The following CCDC171 variants were observed in gnomAD, a reference collection of about 807,000 sequenced individuals.
The protein encoded by CCDC171 is coiled-coil domain containing 171.
Under a neutral mutation model 168.2 loss-of-function variants are expected in CCDC171, and 177 were observed. The observed-to-expected ratio is 1.05, with a 90% CI of 0.93 to 1.19. The LOEUF (loss-of-function observed/expected upper bound fraction) is 1.19. Ranked by LOEUF, CCDC171 falls within the 50% of genes most tolerant of loss-of-function variation. The probability of loss-of-function intolerance (pLI) is 0.00; values close to 1 mark genes in which losing one functional copy is unlikely to be tolerated. For synonymous variants in CCDC171, 687 were observed against 540.8 expected, an observed-to-expected ratio of 1.27 and a Z score of -3.75; for missense variants, 1,991 against 1,539.0, an observed-to-expected ratio of 1.29 and a Z score of -4.91.
At chr9:15,843,857 G>A (rs73644958) in intron 21 of CCDC171, among the ~76,000 whole-genome samples, 3,700 of 152,180 alleles carry the variant, frequency 0.024, 157 homozygotes, top group African/African-American at 0.086. Flanking sequence ...GGCTTTGGGT[G>A]CTGCAGGTTC....
At chr9:15,642,697 T>C (rs918487079) in intron 7 of CCDC171, among the ~76,000 whole-genome samples, 12 of 152,146 alleles carry the variant, frequency 7.9e-5, no homozygotes, top group Non-Finnish European at 1.3e-4. Flanking sequence ...GAGTAATTGA[T>C]AGTTTCAGTA....
chr9:16,066,967 G>GTA, the CCDC171 span, among the ~76,000 whole-genome samples: 1 of 151,868 alleles, frequency 6.6e-6, no homozygotes, highest in Admixed American at 6.6e-5. Flanking sequence ...AGTCCTTTGG[G>GTA]TATATACCCA....
At chr9:16,081,650 G>A in the CCDC171 span, among the ~76,000 whole-genome samples, 944 of 152,178 alleles carry the variant, frequency 6.2e-3, 8 homozygotes, top group African/African-American at 0.022. Flanking sequence ...TGCTATGTGG[G>A]GTAATACATT....
intron 10 of CCDC171, among the ~76,000 whole-genome samples, chr9:15,687,328 T>C (rs1173007528): frequency 6.6e-6 from 1 of 152,036 alleles, no homozygotes; most frequent in Non-Finnish European, 1.5e-5. Flanking sequence ...TGGTGGTCCA[T>C]GCCTGTAGTT....
chr9:15,940,518 TG>T (rs1827593334), intron 25 of CCDC171, among the ~76,000 whole-genome samples: 1 of 151,958 alleles, frequency 6.6e-6, no homozygotes, highest in Non-Finnish European at 1.5e-5. Context: ...AGACCAAATG[TG>T]GGAACCAACA....
At chr9:16,107,539 T>A in the CCDC171 span, among the ~76,000 whole-genome samples, 1 of 151,950 alleles carries the variant, frequency 6.6e-6, no homozygotes. Flanking sequence ...TCTCTCTAAA[T>A]GTGTGTGTGT....
At chr9:15,842,811 TTAA>T (rs1173465087) in intron 21 of CCDC171, among the ~76,000 whole-genome samples, 12 of 151,900 alleles carry the variant, frequency 7.9e-5, no homozygotes, top group South Asian at 2.1e-4. Flanking sequence ...ATTATTAGCC[TTAA>T]TAAACGTTTG....
chr9:15,636,271 A>C lies in CCDC171; in HGVS notation c.822+12858A>C, dbSNP rs146749194. Among the ~76,000 whole-genome samples the C allele has an allele frequency of 2.0e-4, 30 of 152,268 alleles. No individual in the cohort carries two copies. The East Asian group carries it at 4.4e-3, about 23-fold the overall frequency. ...ACTTGGCAAGGATAAACTTCCTCAT[A>C]CTCTAACCACACATGGGTTATTTTT... On this transcript the variant is annotated intron_variant, in intron 7 of 25. Transcript: ENST00000380701.
intron 25 of CCDC171, among the ~76,000 whole-genome samples, chr9:15,926,536 C>G (rs1329418195): frequency 2.0e-5 from 3 of 151,572 alleles, no homozygotes; most frequent in Admixed American, 1.3e-4. Flanking sequence ...TTTGGCTACT[C>G]TCAAAACTAT....
chr9:15,589,548 A>G (rs1380610710), intron 4 of CCDC171, among the ~76,000 whole-genome samples: 4 of 152,176 alleles, frequency 2.6e-5, no homozygotes, highest in Non-Finnish European at 4.4e-5. Context: ...GAGAACATCA[A>G]ATGAGGACTT....
intron 6 of CCDC171, among the ~76,000 whole-genome samples, chr9:15,618,258 C>T (rs1042421264): frequency 1.3e-5 from 2 of 152,206 alleles, no homozygotes; most frequent in African/African-American, 2.4e-5. Flanking sequence ...CTGGCCACAG[C>T]CACTTTGCTT....
chr9:15,623,691 A>T (rs1277164779), intron 7 of CCDC171, among the ~76,000 whole-genome samples: 1 of 152,178 alleles, frequency 6.6e-6, no homozygotes, highest in Non-Finnish European at 1.5e-5. Flanking sequence ...CTCTCATGGA[A>T]TATTTGGGAA....
At chr9:15,677,404 A>T (rs1412265940) in intron 9 of CCDC171, among the ~76,000 whole-genome samples, 2 of 152,116 alleles carry the variant, frequency 1.3e-5, no homozygotes, top group African/African-American at 4.8e-5. Context: ...AGAGAAAATA[A>T]TGTTGATTGC....
intron 24 of CCDC171, among the ~76,000 whole-genome samples, chr9:15,913,281 A>T (rs1331551851): frequency 1.3e-5 from 2 of 152,088 alleles, no homozygotes; most frequent in African/African-American, 4.8e-5. Flanking sequence ...CCAGGAATTT[A>T]TCCATGTCAT....
At chr9:15,603,517 T>C (rs2043010720) in intron 6 of CCDC171, among the ~76,000 whole-genome samples, 1 of 152,026 alleles carries the variant, frequency 6.6e-6, no homozygotes, top group Admixed American at 6.6e-5. Flanking sequence ...TCGTTTTCTG[T>C]CCCTGCATTA....
chr9:15,905,268 G>C (rs902951589), intron 24 of CCDC171, among the ~76,000 whole-genome samples: 14 of 152,106 alleles, frequency 9.2e-5, no homozygotes, highest in Non-Finnish European at 1.8e-4. Flanking sequence ...CCACATAGTT[G>C]GAAGTAAAGC....
chr9:15,875,743 T>A (rs1817752490), intron 24 of CCDC171: 1 of 152,008 alleles, frequency 6.6e-6, no homozygotes, highest in South Asian at 2.1e-4. Context: ...TTTAATTTGT[T>A]ATTAGTACCA....
chr9:15,923,723 A>G (rs747754790), intron 25 of CCDC171, among the ~76,000 whole-genome samples: 2 of 151,670 alleles, frequency 1.3e-5, no homozygotes, highest in Admixed American at 6.6e-5. Flanking sequence ...AACAATGTAT[A>G]TATACTTGAA....
intron 9 of CCDC171, among the ~76,000 whole-genome samples, chr9:15,667,848 A>G (rs972500759): frequency 1.1e-4 from 16 of 152,228 alleles, no homozygotes; most frequent in African/African-American, 3.4e-4. Context: ...TCTTAACTGA[A>G]TTTCCTTGCT....
Sources: allele counts gnomAD v4.1 joint callset (sites outside exome capture counted in the v4.1 genomes callset), GRCh38; gene constraint gnomAD v4.1.1; transcripts MANE v1.5; gene names NCBI Gene and HGNC (gene_info 2026-07-23, HGNC 2026-07-21).